ZNF284: variants seen among roughly 807,000 people sequenced by gnomAD.
ZNF284 encodes zinc finger protein 284.
ZNF284 carries 12 observed loss-of-function variants against 12.9 expected under a neutral mutation model. That is an observed-to-expected ratio of 0.93 (90% CI 0.60 to 1.51). The LOEUF is 1.51. Ranked by LOEUF, ZNF284 falls within the 40% of genes most tolerant of loss-of-function variation. The pLI is 0.00. For missense variants in ZNF284, 667 were observed against 707.3 expected, an observed-to-expected ratio of 0.94 and a Z score of 0.65; for synonymous variants, 225 against 236.5, an observed-to-expected ratio of 0.95 and a Z score of 0.45.
Position 44,086,776 on chromosome 19 carries a change from G to C in ZNF284, c.1298G>C (p.Gly433Ala). Residue 433 changes from glycine to alanine, a missense_variant, in exon 5 of 5, where the codon GGG (glycine) becomes GCG (alanine). Gly to Ala is a moderately conservative substitution (Grantham distance 60). Transcript: ENST00000421176. Reference protein sequence around the residue: ...EEELYKCQKCGKGYISKFNLD... With the variant: ...EEELYKCQKCAKGYISKFNLD... ...GAACTGTATAAATGTCAGAAGTGTG[G>C]GAAGGGCTACATTAGTAAGTTTAAT... is the stretch of plus-strand genomic sequence containing the variant. 6.2e-7 allele frequency: 1 copy of C among 1,614,134 alleles called. No individual in the cohort carries two copies. The highest frequency in any genetic ancestry group is 1.1e-5 in the South Asian group (1 of 91,082).
intron 2 of ZNF284, among the ~76,000 whole-genome samples, chr19:44,078,886 G>T (rs1313564344): frequency 6.6e-6 from 1 of 152,156 alleles, no homozygotes; most frequent in Non-Finnish European, 1.5e-5. Context: ...CGCCTCCTGG[G>T]TTCAAACGAT....
At chr19:44,084,922 G>A (rs1468188748) in intron 4 of ZNF284, among the ~76,000 whole-genome samples, 9 of 152,144 alleles carry the variant, frequency 5.9e-5, no homozygotes, top group Admixed American at 1.3e-4. Flanking sequence ...TGGACTCCAG[G>A]TAGCCCCCTG....
In ZNF284 at chr19:44,078,596, G is replaced by A. The variant is rs188123426; in HGVS notation, c.15+2192G>A. Among the ~76,000 whole-genome samples, 89 of 152,190 alleles carry A rather than the reference G, an allele frequency of 5.8e-4. 1 individual carries two copies. Among genetic ancestry groups the A allele is most frequent in the Middle Eastern group, 6.8e-3 (2 of 292 alleles). On this transcript the variant is annotated intron_variant, in intron 2 of 4. Transcript: ENST00000421176. ...CCTGCCCCAGCCTCCCAAGTAGCTAGGACTACGGGCACGCACCACGATGCC... is the reference window on the plus strand; with the variant it reads ...CCTGCCCCAGCCTCCCAAGTAGCTAAGACTACGGGCACGCACCACGATGCC...
At chr19:44,073,199 G>A (rs893448915) in intron 1 of ZNF284, among the ~76,000 whole-genome samples, 1 of 152,212 alleles carries the variant, frequency 6.6e-6, no homozygotes. Flanking sequence ...AGCAGTAAGA[G>A]GTGGAGCTGC....
chr19:44,080,866 A>C (rs935560443), intron 2 of ZNF284, 149 bp from the exon 3 acceptor site: 1 of 1,076,936 alleles, frequency 9.3e-7, no homozygotes, highest in Non-Finnish European at 1.3e-6. Flanking sequence ...GCGAGGATAC[A>C]GACAGAATGA....
intron 3 of ZNF284, 80 bp from the exon 4 acceptor site, chr19:44,081,933 C>T (rs1967133321): frequency 9.0e-7 from 1 of 1,105,532 alleles, no homozygotes; most frequent in Middle Eastern, 2.1e-4. Flanking sequence ...TGTTCAAGTT[C>T]GAGTGTGCAG....
At position 44,085,846 on chromosome 19, in the gene ZNF284, TCTC is replaced by T. The variant is rs139900131; in HGVS notation, c.370_372del (p.Ser124del). 1,006,056 of 1,613,058 alleles carry T rather than the reference TCTC, an allele frequency of 0.62. 321,796 individuals carry two copies. Among genetic ancestry groups the T allele is most frequent in the Non-Finnish European group, 0.66 (783,715 of 1,179,328 alleles). On this transcript the variant is annotated inframe_deletion, in exon 5 of 5. Coordinates refer to ENST00000421176, the MANE Select transcript of ZNF284 (RefSeq NM_001037813.4). ...CAAGACTCCATAAGTAGCTCTCAGT[TCTC>T]CACACAAGGTGATGTCCCCTCCCAG...
chr19:44,074,751 T>C (rs1967002260), intron 1 of ZNF284, among the ~76,000 whole-genome samples: 1 of 152,120 alleles, frequency 6.6e-6, no homozygotes, highest in Non-Finnish European at 1.5e-5. Context: ...GGTGGATCAC[T>C]TGAGGCCAGG....
intron 1 of ZNF284, among the ~76,000 whole-genome samples, chr19:44,075,823 T>C (rs150024670): frequency 2.4e-4 from 36 of 152,320 alleles, no homozygotes; most frequent in African/African-American, 8.2e-4. Context: ...CCGTGATTTT[T>C]AGGAATTTTG....
chr19:44,076,478 C>A, intron 2 of ZNF284, 74 bp downstream of exon 2: 3 of 1,501,558 alleles, frequency 2.0e-6, no homozygotes, highest in South Asian at 2.4e-5. Context: ...TTTTCTCGGT[C>A]TTGGGAAGAC....
At position 44,081,006 on chromosome 19, in the gene ZNF284, T is replaced by A. The variant is rs4803674; in HGVS notation, c.16-9T>A. 0.86 allele frequency: 1,380,698 copies of A among 1,609,746 alleles called. 595,816 individuals are homozygous for A. Among genetic ancestry groups the A allele is most frequent in the Non-Finnish European group, 0.88 (1,039,354 of 1,177,444 alleles). On this transcript the variant is annotated splice_polypyrimidine_tract_variant and intron_variant, in intron 2 of 4. Transcript: ENST00000421176. ...ATGAGATTGAGATTGCATACGTTTG[T>A]TGTTGTAGGAGGCAGTGACCTTCAA...
chr19:44,086,271 G>A lies in ZNF284; in HGVS notation c.793G>A (p.Gly265Arg). ...GEKPHICEECGKAFIHNSQLR... is the reference protein window; with the variant it reads ...GEKPHICEECRKAFIHNSQLR... ...AAAACCTCATATTTGTGAGGAATGT[G>A]GGAAGGCCTTCATTCACAATTCCCA... Residue 265 changes from glycine to arginine, a missense_variant, in exon 5 of 5, where the codon GGG becomes AGG. Transcript: ENST00000421176. The A allele has an allele frequency of 1.2e-6, 2 of 1,614,180 alleles. No homozygotes were observed. Among genetic ancestry groups the A allele is most frequent in the Non-Finnish European group, 1.7e-6 (2 of 1,180,028 alleles).
intron 1 of ZNF284, among the ~76,000 whole-genome samples, chr19:44,074,735 G>A (rs1431254735): frequency 1.3e-5 from 2 of 152,174 alleles, no homozygotes; most frequent in East Asian, 1.9e-4. Flanking sequence ...TTGGGAGGCC[G>A]AGGCAGGTGG....
rs60441974 is a variant in ZNF284 at position 44,083,474 on chromosome 19, T to TAGAGAG, written c.235+1392_235+1397dup. On this transcript the variant is annotated intron_variant, in intron 4 of 4. Transcript: ENST00000421176. ...AAATATATATATATATATATATATA[T>TAGAGAG]AGAGAGAGAGAGAGAGAGAGAGAGA... Among the ~76,000 whole-genome samples the TAGAGAG allele has an allele frequency of 8.2e-3, 532 of 64,896 alleles. 36 individuals carry two copies. Among genetic ancestry groups the TAGAGAG allele is most frequent in the African/African-American group, 0.014 (282 of 20,184 alleles). The allele number at this position is 64,896 out of a possible 152,430, so 42.6% of individuals were successfully genotyped here. A position where few individuals can be genotyped will look rare whatever the true frequency, so the allele number is the denominator to read the frequency against.
chr19:44,079,030 A>G (rs1967076005), intron 2 of ZNF284, among the ~76,000 whole-genome samples: 3 of 151,934 alleles, frequency 2.0e-5, no homozygotes, highest in Non-Finnish European at 4.4e-5. Flanking sequence ...AGGTCAAATG[A>G]TTTGCTTGTC....
chr19:44,083,450 A>AATAAATATATAT (rs1967159243), intron 4 of ZNF284, among the ~76,000 whole-genome samples: 1 of 60,356 alleles, frequency 1.7e-5, no homozygotes, highest in Non-Finnish European at 4.0e-5. Context: ...TAAATAAAGA[A>AATAAATATATAT]ATATATATAT....
In ZNF284 at chr19:44,086,684, C is replaced by T. The variant is rs781142395; in HGVS notation, c.1206C>T (p.Asp402=). 122 of 1,613,608 alleles carry T rather than the reference C, an allele frequency of 7.6e-5. No homozygotes were observed. The highest frequency in any genetic ancestry group is 1.6e-4 in the Middle Eastern group (1 of 6,082). The change falls in exon 5 of 5, where the codon GAC becomes GAT. Residue 402 remains aspartate (D), a synonymous_variant. Transcript: ENST00000421176. Reference sequence around the variant, plus strand: ...ATGGAGAAACAACATTCAAGTGCGACGGATGTGGGAAGAGATTTTATATGA... The same window carrying T: ...ATGGAGAAACAACATTCAAGTGCGATGGATGTGGGAAGAGATTTTATATGA... The part of the protein sequence containing the change: ...VHNGETTFKC[D]GCGKRFYMNS...
chr19:44,085,814 T>C lies in ZNF284; in HGVS notation c.336T>C (p.Thr112=), dbSNP rs764170927. The C allele has an allele frequency of 1.9e-6, 3 of 1,612,908 alleles. No homozygotes were observed. The highest frequency in any genetic ancestry group is 2.5e-6 in the Non-Finnish European group (3 of 1,179,644). ...QIWEQTASEL[T]RPQDSISSSQ... ...GGGAACAAACTGCAAGTGAGTTAAC[T>C]AGACCTCAAGACTCCATAAGTAGCT... The change falls in exon 5 of 5, where the codon ACT becomes ACC. Residue 112 remains threonine (T), a synonymous_variant. Coordinates refer to ENST00000421176, the MANE Select transcript of ZNF284 (RefSeq NM_001037813.4).
chr19:44,086,183 G>T lies in ZNF284; in HGVS notation c.705G>T (p.Gln235His). 1 of 1,614,196 alleles carries T rather than the reference G, an allele frequency of 6.2e-7. No homozygotes were observed. Among genetic ancestry groups the T allele is most frequent in the Non-Finnish European group, 8.5e-7 (1 of 1,180,036 alleles). ...HTGEKPFKCE[Q>H]CGKSFSRRSG... ...GAGAGAAACCATTCAAATGTGAGCA[G>T]TGTGGGAAAAGTTTCAGCCGTAGAT... is the stretch of plus-strand genomic sequence containing the variant. The change falls in exon 5 of 5, where the codon CAG (glutamine) becomes CAT (histidine). Residue 235 changes from glutamine (Q) to histidine (H), a missense_variant. Gln to His is a conservative substitution (Grantham distance 24). Coordinates refer to ENST00000421176, the MANE Select transcript of ZNF284 (RefSeq NM_001037813.4).
Sources: gnomAD v4.1 joint callset for allele counts (sites outside exome capture counted in the v4.1 genomes callset) on GRCh38, gnomAD v4.1.1 for gene constraint, MANE v1.5 for transcripts, NCBI Gene and HGNC (gene_info 2026-07-23, HGNC 2026-07-21) for gene names.